PDS5A: variants seen among roughly 807,000 people sequenced by gnomAD.
PDS5A encodes the protein PDS5 cohesin associated factor A.
A neutral mutation model predicts 167.1 loss-of-function variants in PDS5A; 42 were observed. The observed-to-expected ratio is 0.25, with a 90% CI of 0.20 to 0.33. PDS5A has a LOEUF of 0.33. Ranked by LOEUF, PDS5A falls within the 10% of genes least tolerant of loss-of-function variation. The pLI is 1.00. For synonymous variants in PDS5A, 553 were observed against 554.6 expected, an observed-to-expected ratio of 1.00 and a Z score of 0.04; for missense variants, 1,033 against 1,605.9, an observed-to-expected ratio of 0.64 and a Z score of 6.10.
intron 29 of PDS5A, among the ~76,000 whole-genome samples, chr4:39,845,374 T>C (rs1025317042): frequency 1.3e-5 from 2 of 152,134 alleles, no homozygotes; most frequent in African/African-American, 4.8e-5. Flanking sequence ...ACATAATAAA[T>C]GCTCCTATAA....
At chr4:39,975,177 G>GT (rs1387418552) in intron 2 of PDS5A, among the ~76,000 whole-genome samples, 8 of 151,958 alleles carry the variant, frequency 5.3e-5, no homozygotes, top group Non-Finnish European at 1.0e-4. Flanking sequence ...TACTTGGGAG[G>GT]CTGAGGCAGA....
chr4:39,925,465 A>AT (rs1725373276), intron 5 of PDS5A, among the ~76,000 whole-genome samples: 1 of 152,202 alleles, frequency 6.6e-6, no homozygotes, highest in African/African-American at 2.4e-5. Context: ...TCATAATTTA[A>AT]TACTTCATTG....
intron 2 of PDS5A, among the ~76,000 whole-genome samples, chr4:39,930,247 G>GTTGTTT (rs1725915235): frequency 6.5e-5 from 4 of 61,950 alleles, no homozygotes; most frequent in East Asian, 6.2e-4. Context: ...AAAAAAAAAA[G>GTTGTTT]TTTTTTTGTT....
intron 2 of PDS5A, among the ~76,000 whole-genome samples, chr4:39,969,430 G>A (rs1730293043): frequency 2.6e-5 from 4 of 152,178 alleles, no homozygotes; most frequent in Admixed American, 2.6e-4. Flanking sequence ...ACTTTGGGAG[G>A]TCGAGGTGGG....
chr4:39,885,995 G>A (rs1428707594), intron 17 of PDS5A, among the ~76,000 whole-genome samples: 5 of 152,070 alleles, frequency 3.3e-5, no homozygotes, highest in African/African-American at 1.2e-4. Context: ...TGATTTTTTT[G>A]TATGTTGAGA....
intron 2 of PDS5A, chr4:39,974,236 G>GTA (rs2109832648): frequency 8.9e-6 from 5 of 561,278 alleles, no homozygotes; most frequent in South Asian, 6.9e-5. Flanking sequence ...AATATGCCAG[G>GTA]TGCTATCCCC....
At chr4:39,939,473 T>A (rs559248889) in intron 2 of PDS5A, among the ~76,000 whole-genome samples, 10 of 109,948 alleles carry the variant, frequency 9.1e-5, no homozygotes, top group Admixed American at 5.1e-4. Context: ...TCTCAAAACC[T>A]AAAATGAAAA....
chr4:39,891,670 G>A (rs920342745), intron 16 of PDS5A, among the ~76,000 whole-genome samples: 1 of 130,714 alleles, frequency 7.7e-6, no homozygotes, highest in African/African-American at 2.5e-5. Flanking sequence ...ACACATATTC[G>A]TACATATATA....
At position 39,898,432 on chromosome 4, in the gene PDS5A, A is replaced by G; in HGVS notation, c.1727T>C (p.Leu576Ser). Residue 576 changes from leucine (L) to serine (S), a missense_variant, in exon 16 of 33, where the codon TTA becomes TCA. By Grantham distance (145) the Leu-to-Ser change is moderately radical. Transcript: ENST00000303538. Reference sequence around the variant, plus strand: ...TTTGCAAGAACAGGTTGGGCTAATTAATAACTCCAACTGAGACCGAAGTTT... The same window carrying G: ...TTTGCAAGAACAGGTTGGGCTAATTGATAACTCCAACTGAGACCGAAGTTT... ...DEKLRSQLEL[L>S]ISPTCSCKQA... The G allele has an allele frequency of 1.9e-6, 3 of 1,593,098 alleles. No individual in the cohort carries two copies. Among genetic ancestry groups the G allele is most frequent in the Non-Finnish European group, 2.6e-6 (3 of 1,168,952 alleles).
chr4:39,837,595 T>C (rs1322411758), intron 32 of PDS5A: 1 of 394,412 alleles, frequency 2.5e-6, no homozygotes, highest in African/African-American at 2.1e-5. Context: ...GAAATATTTG[T>C]CTTGTTAATA....
intron 18 of PDS5A, 62 bp from the exon 19 acceptor site, chr4:39,877,215 T>A: frequency 9.5e-7 from 1 of 1,057,244 alleles, no homozygotes; most frequent in Non-Finnish European, 1.3e-6. Flanking sequence ...AAAAAAGAAT[T>A]ACTTCCCGCA....
chr4:39,850,324 C>CA (rs150193162), intron 26 of PDS5A, among the ~76,000 whole-genome samples: 10,739 of 148,702 alleles, frequency 0.072, 477 homozygotes, highest in Non-Finnish European at 0.1. Flanking sequence ...CCCATCTCTA[C>CA]AAAAAAAATA....
chr4:39,968,130 T>A (rs929732057), intron 2 of PDS5A, among the ~76,000 whole-genome samples: 3 of 152,032 alleles, frequency 2.0e-5, no homozygotes, highest in Non-Finnish European at 4.4e-5. Context: ...TTTTTTTAAT[T>A]TTTATTGTAA....
intron 20 of PDS5A, 57 bp from the exon 21 acceptor site, chr4:39,873,201 T>C: frequency 1.9e-6 from 2 of 1,071,778 alleles, no homozygotes; most frequent in African/African-American, 1.6e-5. Flanking sequence ...CTAGACACTC[T>C]ACTGAAACAG....
At chr4:39,930,252 TTTGTTTTTTG>T (rs1328563128) in intron 2 of PDS5A, among the ~76,000 whole-genome samples, 2 of 112,196 alleles carry the variant, frequency 1.8e-5, no homozygotes, top group Non-Finnish European at 4.1e-5. Context: ...AAAAAGTTTT[TTTGTTTTTTG>T]TTTTTTTTTT....
chr4:39,956,541 T>C lies in PDS5A; in HGVS notation c.138+19899A>G, dbSNP rs970539260. On this transcript the variant is annotated intron_variant, in intron 2 of 32. Coordinates refer to ENST00000303538, the MANE Select transcript of PDS5A (RefSeq NM_001100399.2). ...TAAAATATCAAGGAAATATGAGAAC[T>C]GAACACAGCAAACAAAGCTATACAA... is the stretch of plus-strand genomic sequence containing the variant. 2.7e-5 allele frequency among the ~76,000 whole-genome samples: 4 copies of C among 150,788 alleles called. No homozygotes were observed. The South Asian group carries it at 8.4e-4, about 32-fold the overall frequency.
At chr4:39,892,250 A>G (rs1305277821) in intron 16 of PDS5A, among the ~76,000 whole-genome samples, 1 of 152,160 alleles carries the variant, frequency 6.6e-6, no homozygotes, top group Non-Finnish European at 1.5e-5. Flanking sequence ...GACCAGCCTG[A>G]CCATTCTCAG....
chr4:39,843,701 G>A (rs61073283), intron 30 of PDS5A, among the ~76,000 whole-genome samples: 4,897 of 152,076 alleles, frequency 0.032, 252 homozygotes, highest in African/African-American at 0.11. Flanking sequence ...GAGACACTCT[G>A]TCTCAAAAAT....
intron 2 of PDS5A, among the ~76,000 whole-genome samples, chr4:39,931,790 A>G (rs1006493192): frequency 6.6e-6 from 1 of 152,156 alleles, no homozygotes; most frequent in Non-Finnish European, 1.5e-5. Context: ...CAAGGAAATA[A>G]GGATCATTCA....
Sources: gnomAD v4.1 joint callset for allele counts (sites outside exome capture counted in the v4.1 genomes callset) on GRCh38, gnomAD v4.1.1 for gene constraint, MANE v1.5 for transcripts, NCBI Gene and HGNC (gene_info 2026-07-23, HGNC 2026-07-21) for gene names.